AOPEP: variants seen among roughly 807,000 people sequenced by gnomAD.
AOPEP encodes the protein aminopeptidase O.
In AOPEP, 77 loss-of-function variants were observed where a neutral mutation model predicts 98.1. The ratio of observed to expected loss-of-function variants is 0.78; its 90% confidence interval spans 0.65 to 0.95. The LOEUF (loss-of-function observed/expected upper bound fraction) is 0.95. AOPEP is among the 40% of genes least tolerant of loss of function. The probability of loss-of-function intolerance (pLI) is 0.00; values close to 1 mark genes in which losing one functional copy is unlikely to be tolerated. For synonymous variants in AOPEP, 346 were observed against 365.3 expected, an observed-to-expected ratio of 0.95 and a Z score of 0.60; for missense variants, 1,024 against 1,024.7, an observed-to-expected ratio of 1.00 and a Z score of 0.01.
chr9:95,117,652 C>T, the AOPEP span, among the ~76,000 whole-genome samples: 1 of 151,466 alleles, frequency 6.6e-6, no homozygotes, highest in Admixed American at 6.6e-5. Flanking sequence ...CACATGAACC[C>T]AATTATACAA....
downstream of AOPEP, among the ~76,000 whole-genome samples, chr9:95,087,695 C>T (rs563104823): frequency 2.2e-4 from 33 of 152,194 alleles, no homozygotes; most frequent in African/African-American, 7.2e-4. Flanking sequence ...TCGTGGGAGT[C>T]TGGTGGTATG....
the AOPEP span, among the ~76,000 whole-genome samples, chr9:95,106,611 G>A: frequency 6.6e-5 from 10 of 152,326 alleles, no homozygotes; most frequent in South Asian, 4.1e-4. Context: ...GTGGGCTTCA[G>A]GAAGGATTTC....
chr9:94,756,665 G>A (rs1318057480), intron 1 of AOPEP, among the ~76,000 whole-genome samples: 2 of 152,160 alleles, frequency 1.3e-5, no homozygotes, highest in Non-Finnish European at 2.9e-5. Context: ...TTCAGTCAGT[G>A]TAACACTCCT....
At chr9:94,782,426 C>T (rs1843498436) in intron 3 of AOPEP, among the ~76,000 whole-genome samples, 2 of 152,204 alleles carry the variant, frequency 1.3e-5, no homozygotes, top group Admixed American at 1.3e-4. Flanking sequence ...AAATGCTACT[C>T]TCTGGCCTGC....
intron 3 of AOPEP, among the ~76,000 whole-genome samples, chr9:94,779,565 C>A (rs960858883): frequency 1.3e-5 from 2 of 152,068 alleles, no homozygotes; most frequent in African/African-American, 4.8e-5. Flanking sequence ...TGTGTTCTTA[C>A]AACTCTTACA....
At chr9:94,987,990 G>A (rs778773387) in intron 11 of AOPEP, among the ~76,000 whole-genome samples, 18 of 152,104 alleles carry the variant, frequency 1.2e-4, no homozygotes, top group Admixed American at 6.6e-4. Flanking sequence ...ACAGCTCCCC[G>A]GGTAAAAAGC....
chr9:95,055,144 A>G (rs977377159), intron 13 of AOPEP, among the ~76,000 whole-genome samples: 6 of 152,242 alleles, frequency 3.9e-5, no homozygotes, highest in African/African-American at 1.4e-4. Flanking sequence ...TTCTGTCATG[A>G]TATCCTAGTA....
At chr9:94,741,799 T>A (rs1833197625) in intron 1 of AOPEP, among the ~76,000 whole-genome samples, 2 of 152,226 alleles carry the variant, frequency 1.3e-5, no homozygotes, top group Non-Finnish European at 2.9e-5. Context: ...CTGGGGACTC[T>A]GCTCATCACA....
downstream of AOPEP, among the ~76,000 whole-genome samples, chr9:95,089,290 T>G (rs2070833468): frequency 6.6e-6 from 1 of 152,198 alleles, no homozygotes; most frequent in African/African-American, 2.4e-5. Context: ...CATCAGAAAC[T>G]AGCTCAGATC....
chr9:94,883,807 T>G (rs928079560), intron 5 of AOPEP, among the ~76,000 whole-genome samples: 1 of 152,232 alleles, frequency 6.6e-6, no homozygotes, highest in African/African-American at 2.4e-5. Flanking sequence ...ATGTTAAACA[T>G]AAGTTGAGGG....
intron 5 of AOPEP, among the ~76,000 whole-genome samples, chr9:94,885,161 C>T (rs1450512894): frequency 1.3e-5 from 2 of 151,602 alleles, no homozygotes; most frequent in African/African-American, 2.4e-5. Context: ...CTAGCCTAGG[C>T]AACATGGAGG....
rs187716216 is a variant in AOPEP at position 94,830,858 on chromosome 9, A to G, written c.1364+29856A>G. Among the ~76,000 whole-genome samples the G allele has an allele frequency of 7.9e-5, 12 of 152,244 alleles. No individual in the cohort carries two copies. In the East Asian group the frequency reaches 1.9e-3, roughly 24 times the overall value. On this transcript the variant is annotated intron_variant, in intron 5 of 16. Transcript: ENST00000375315. ...GCTGCACAGATGTCCTCTCTTGAGA[A>G]GTGTCTGTTCATGTCCTTCACCCAC...
At chr9:94,859,036 A>AAAAAAAAAAT (rs59090107) in intron 5 of AOPEP, among the ~76,000 whole-genome samples, 3 of 150,712 alleles carry the variant, frequency 2.0e-5, no homozygotes, top group Non-Finnish European at 4.4e-5. Context: ...TCAAAAAAAA[A>AAAAAAAAAAT]GAAGACCTGG....
chr9:95,008,785 T>C (rs1015010442), intron 13 of AOPEP, among the ~76,000 whole-genome samples: 9 of 152,212 alleles, frequency 5.9e-5, no homozygotes, highest in African/African-American at 2.2e-4. Context: ...CTTATCTCTC[T>C]GAAGATGCAT....
At chr9:94,769,626 T>G (rs935447847) in intron 2 of AOPEP, among the ~76,000 whole-genome samples, 2 of 152,212 alleles carry the variant, frequency 1.3e-5, no homozygotes, top group Admixed American at 1.3e-4. Context: ...TGTTCAGAGT[T>G]ATAGCTCTGG....
intron 7 of AOPEP, among the ~76,000 whole-genome samples, chr9:94,946,301 C>T (rs575325862): frequency 4.6e-5 from 7 of 152,232 alleles, no homozygotes; most frequent in East Asian, 3.9e-4. Context: ...AAATATATTC[C>T]GGGCTGTACA....
chr9:94,948,381 A>G (rs1257493162), intron 7 of AOPEP, among the ~76,000 whole-genome samples: 1 of 140,966 alleles, frequency 7.1e-6, no homozygotes, highest in Non-Finnish European at 1.5e-5. Flanking sequence ...AGAAGTCAAG[A>G]TGCCCCACTG....
chr9:95,104,066 T>C, the AOPEP span, among the ~76,000 whole-genome samples: 18 of 152,170 alleles, frequency 1.2e-4, no homozygotes, highest in African/African-American at 4.3e-4. Context: ...AAAGCAACCA[T>C]CTGGCCACCA....
intron 7 of AOPEP, among the ~76,000 whole-genome samples, chr9:94,936,713 A>G (rs140788032): frequency 6.6e-6 from 1 of 152,280 alleles, no homozygotes; most frequent in East Asian, 1.9e-4. Flanking sequence ...GCTCAGTCCC[A>G]CAAGACTGCC....
Sources: gnomAD v4.1 joint callset for allele counts (sites outside exome capture counted in the v4.1 genomes callset) on GRCh38, gnomAD v4.1.1 for gene constraint, MANE v1.5 for transcripts, NCBI Gene and HGNC (gene_info 2026-07-23, HGNC 2026-07-21) for gene names.